GPC6: variants seen among roughly 807,000 people sequenced by gnomAD.
The protein encoded by GPC6 is glypican-6.
GPC6 carries 14 observed loss-of-function variants against 55.2 expected under a neutral mutation model. The ratio of observed to expected loss-of-function variants is 0.25; its 90% CI spans 0.17 to 0.40. The LOEUF (loss-of-function observed/expected upper bound fraction) is 0.40. Ranked by LOEUF, GPC6 falls within the 10% of genes least tolerant of loss-of-function variation. The probability of loss-of-function intolerance (pLI) is 1.00; values close to 1 mark genes in which losing one functional copy is unlikely to be tolerated. For synonymous variants in GPC6, 278 were observed against 259.6 expected, an observed-to-expected ratio of 1.07 and a Z score of -0.68; for missense variants, 641 against 708.5, an observed-to-expected ratio of 0.90 and a Z score of 1.08.
At chr13:94,148,404 C>T (rs1006248198) in intron 4 of GPC6, among the ~76,000 whole-genome samples, 1 of 152,106 alleles carries the variant, frequency 6.6e-6, no homozygotes, top group Non-Finnish European at 1.5e-5. Flanking sequence ...CAGGAAACAT[C>T]TTGTTTACAA....
At chr13:93,747,950 G>A (rs1205301715) in intron 2 of GPC6, among the ~76,000 whole-genome samples, 1 of 152,098 alleles carries the variant, frequency 6.6e-6, no homozygotes, top group Non-Finnish European at 1.5e-5. Context: ...TGTATTCACA[G>A]TGCTTAGTGT....
chr13:93,352,442 T>G (rs147485095), intron 1 of GPC6, among the ~76,000 whole-genome samples: 2 of 152,236 alleles, frequency 1.3e-5, no homozygotes, highest in African/African-American at 4.8e-5. Context: ...TTTCAAACAA[T>G]TGAAATTCTA....
At chr13:93,236,078 C>T (rs1349099610) in intron 1 of GPC6, among the ~76,000 whole-genome samples, 1 of 152,156 alleles carries the variant, frequency 6.6e-6, no homozygotes, top group East Asian at 1.9e-4. Context: ...CAACAGTCCC[C>T]CAGCAGAGAT....
intron 4 of GPC6, among the ~76,000 whole-genome samples, chr13:94,272,687 C>CCTGA (rs1892080923): frequency 1.3e-5 from 2 of 151,868 alleles, no homozygotes; most frequent in Non-Finnish European, 2.9e-5. Flanking sequence ...CCAGGATGGT[C>CCTGA]TCAATTTCCT....
intron 3 of GPC6, among the ~76,000 whole-genome samples, chr13:93,916,292 A>C (rs550496743): frequency 6.6e-6 from 1 of 152,210 alleles, no homozygotes; most frequent in African/African-American, 2.4e-5. Flanking sequence ...GACTATGACA[A>C]ATGTAAGACT....
intron 4 of GPC6, among the ~76,000 whole-genome samples, chr13:94,127,730 C>T (rs557200150): frequency 6.6e-6 from 1 of 152,224 alleles, no homozygotes; most frequent in East Asian, 1.9e-4. Flanking sequence ...AGAAGAGTGC[C>T]AGGGAACTGC....
chr13:93,969,943 C>T (rs970539142), intron 3 of GPC6, among the ~76,000 whole-genome samples: 2 of 152,100 alleles, frequency 1.3e-5, no homozygotes, highest in African/African-American at 4.8e-5. Flanking sequence ...TGTATGTGTA[C>T]CACACATCAC....
chr13:93,223,879 C>T (rs1875685670), upstream of GPC6, among the ~76,000 whole-genome samples: 1 of 150,510 alleles, frequency 6.6e-6, no homozygotes, highest in Non-Finnish European at 1.5e-5. Flanking sequence ...ATCCGTTTAC[C>T]TCATGCTATT....
chr13:93,676,886 G>A (rs1053635981), intron 2 of GPC6, among the ~76,000 whole-genome samples: 2 of 151,992 alleles, frequency 1.3e-5, no homozygotes, highest in African/African-American at 4.8e-5. Context: ...ACTCTATCTC[G>A]GTGAATTGCT....
intron 4 of GPC6, among the ~76,000 whole-genome samples, chr13:94,152,036 A>G (rs1262894174): frequency 1.3e-5 from 2 of 152,082 alleles, no homozygotes; most frequent in East Asian, 3.9e-4. Context: ...AGCAATCTAC[A>G]GGGACTTGTT....
intron 3 of GPC6, among the ~76,000 whole-genome samples, chr13:93,871,072 G>A (rs1889117034): frequency 6.6e-6 from 1 of 151,872 alleles, no homozygotes; most frequent in African/African-American, 2.4e-5. Context: ...CCTTTGAGCA[G>A]TGGTGCATGA....
At chr13:93,849,962 A>C (rs907296888) in intron 3 of GPC6, among the ~76,000 whole-genome samples, 4 of 152,120 alleles carry the variant, frequency 2.6e-5, no homozygotes, top group Non-Finnish European at 5.9e-5. Context: ...CACATTGCAC[A>C]TTTACAATTA....
intron 7 of GPC6, among the ~76,000 whole-genome samples, chr13:94,392,940 A>G (rs1334572423): frequency 6.6e-6 from 1 of 152,190 alleles, no homozygotes; most frequent in Non-Finnish European, 1.5e-5. Flanking sequence ...AGGAATTGCC[A>G]TGCAGTTTTC....
chr13:93,884,276 C>T (rs1180181876), intron 3 of GPC6, among the ~76,000 whole-genome samples: 1 of 152,034 alleles, frequency 6.6e-6, no homozygotes, highest in Non-Finnish European at 1.5e-5. Flanking sequence ...CGTTGTCTTA[C>T]TATATTTTAG....
chr13:93,291,276 G>A (rs1387292271), intron 1 of GPC6, among the ~76,000 whole-genome samples: 1 of 152,094 alleles, frequency 6.6e-6, no homozygotes, highest in Non-Finnish European at 1.5e-5. Context: ...CCTTAGTGCT[G>A]GCAGTATGAG....
chr13:93,340,926 C>A (rs1880233590), intron 1 of GPC6, among the ~76,000 whole-genome samples: 1 of 152,072 alleles, frequency 6.6e-6, no homozygotes, highest in African/African-American at 2.4e-5. Context: ...ACTCTTTTAT[C>A]TCTCAACCCC....
intron 1 of GPC6, among the ~76,000 whole-genome samples, chr13:93,407,446 G>A (rs1010013506): frequency 3.3e-5 from 5 of 151,966 alleles, no homozygotes; most frequent in African/African-American, 1.2e-4. Flanking sequence ...GCCTGACTTT[G>A]AGTTATTATG....
chr13:94,058,859 A>G (rs1244641379), intron 4 of GPC6, among the ~76,000 whole-genome samples: 1 of 152,210 alleles, frequency 6.6e-6, no homozygotes, highest in Admixed American at 6.5e-5. Context: ...GTTAGGTTCC[A>G]ATAAGTTAGA....
intron 3 of GPC6, among the ~76,000 whole-genome samples, chr13:93,886,490 A>T (rs866429138): frequency 2.6e-5 from 4 of 151,870 alleles, no homozygotes; most frequent in Non-Finnish European, 5.9e-5. Context: ...AAGGTAAAAA[A>T]CGAAAAAAAA....
Sources: allele counts gnomAD v4.1 joint callset (sites outside exome capture counted in the v4.1 genomes callset), GRCh38; gene constraint gnomAD v4.1.1; transcripts MANE v1.5; gene names NCBI Gene and HGNC (gene_info 2026-07-23, HGNC 2026-07-21).